WDR41: variants seen among roughly 807,000 people sequenced by gnomAD.
The protein encoded by WDR41 is WD repeat domain 41.
Under a neutral mutation model 69.3 loss-of-function variants are expected in WDR41, and 63 were observed. The ratio of observed to expected loss-of-function variants is 0.91; its 90% confidence interval spans 0.74 to 1.12. The LOEUF is 1.12. Among genes scored for constraint, WDR41 ranks in the 50% most tolerant of loss-of-function variants. The probability of loss-of-function intolerance (pLI) is 0.00; values close to 1 mark genes in which losing one functional copy is unlikely to be tolerated. For missense variants in WDR41, 543 were observed against 534.5 expected (o/e 1.02, Z -0.16); for synonymous variants, 185 against 192.1 (o/e 0.96, Z 0.31).
At chr5:77,600,192 C>A (rs4374746) in intron 1 of WDR41, among the ~76,000 whole-genome samples, 24,703 of 152,016 alleles carry the variant, frequency 0.16, 2,405 homozygotes, top group East Asian at 0.43. Flanking sequence ...CAAGTCTTAC[C>A]AATATAATCA....
intron 1 of WDR41, among the ~76,000 whole-genome samples, chr5:77,613,774 C>G (rs1744615496): frequency 6.6e-6 from 1 of 152,198 alleles, no homozygotes; most frequent in African/African-American, 2.4e-5. Context: ...GCAATGGCAA[C>G]AAAAACCAAA....
chr5:77,502,733 T>A (rs1802039331), intron 1 of WDR41, among the ~76,000 whole-genome samples: 1 of 151,924 alleles, frequency 6.6e-6, no homozygotes, highest in African/African-American at 2.4e-5. Context: ...CTTAAAATAA[T>A]TTTCAACCCA....
intron 9 of WDR41, 54 bp from the exon 10 acceptor site, chr5:77,438,415 G>A: frequency 1.3e-6 from 2 of 1,599,836 alleles, no homozygotes; most frequent in Non-Finnish European, 1.7e-6. Flanking sequence ...CCTTCCTAGT[G>A]TAATGGATTT....
chr5:77,590,911 T>C (rs1294230253), intron 1 of WDR41, among the ~76,000 whole-genome samples: 2 of 152,200 alleles, frequency 1.3e-5, no homozygotes, highest in Middle Eastern at 3.2e-3. Flanking sequence ...CCTCTTTTTT[T>C]GTTTTCTGGA....
intron 1 of WDR41, among the ~76,000 whole-genome samples, chr5:77,570,223 C>T (rs1743711443): frequency 6.6e-6 from 1 of 151,960 alleles, no homozygotes; most frequent in South Asian, 2.1e-4. Context: ...CCCTCAGGTT[C>T]TCCATCATAG....
intron 1 of WDR41, among the ~76,000 whole-genome samples, chr5:77,543,652 G>T (rs1743134835): frequency 6.6e-6 from 1 of 152,044 alleles, no homozygotes; most frequent in African/African-American, 2.4e-5. Context: ...AGAAGTCTGG[G>T]ATTATGATAA....
intron 1 of WDR41, among the ~76,000 whole-genome samples, chr5:77,565,749 C>T (rs1471590238): frequency 2.0e-5 from 3 of 152,234 alleles, no homozygotes; most frequent in African/African-American, 4.8e-5. Flanking sequence ...TCCTTCTCTG[C>T]CTCCTATTGT....
At chr5:77,500,642 C>A (rs1802003943) in intron 1 of WDR41, among the ~76,000 whole-genome samples, 2 of 152,028 alleles carry the variant, frequency 1.3e-5, no homozygotes, top group South Asian at 4.1e-4. Context: ...AAATAGGTAA[C>A]CTAAGTAGTC....
intron 1 of WDR41, among the ~76,000 whole-genome samples, chr5:77,584,393 G>A (rs1161551216): frequency 1.3e-5 from 2 of 152,178 alleles, no homozygotes; most frequent in East Asian, 3.8e-4. Context: ...GAGCAAGGTT[G>A]CAATAAACCA....
intron 1 of WDR41, among the ~76,000 whole-genome samples, chr5:77,500,720 T>C (rs1183451613): frequency 2.0e-5 from 3 of 152,140 alleles, no homozygotes; most frequent in Admixed American, 6.5e-5. Flanking sequence ...AGGGTTCAGA[T>C]ACCAAATCAT....
At chr5:77,593,104 G>A (rs1188033123) in intron 1 of WDR41, among the ~76,000 whole-genome samples, 2 of 152,220 alleles carry the variant, frequency 1.3e-5, no homozygotes, top group Non-Finnish European at 2.9e-5. Flanking sequence ...TGCTCAGAGA[G>A]TTGAAAAACA....
intron 1 of WDR41, among the ~76,000 whole-genome samples, chr5:77,594,308 T>G: frequency 2.0e-5 from 3 of 151,188 alleles, no homozygotes; most frequent in Non-Finnish European, 1.5e-5. Context: ...GAGATATACC[T>G]AATGTAAATG....
intron 2 of WDR41, among the ~76,000 whole-genome samples, chr5:77,479,342 C>T (rs1581750655): frequency 6.6e-6 from 1 of 151,836 alleles, no homozygotes; most frequent in Non-Finnish European, 1.5e-5. Flanking sequence ...CATATGGAAC[C>T]AAAAAAGAGC....
intron 1 of WDR41, among the ~76,000 whole-genome samples, chr5:77,594,241 A>G (rs915061531): frequency 2.9e-5 from 4 of 135,868 alleles, no homozygotes; most frequent in Non-Finnish European, 4.6e-5. Context: ...CAGGAAGGGG[A>G]ACATCACACA....
intron 1 of WDR41, among the ~76,000 whole-genome samples, chr5:77,505,206 G>T (rs546213009): frequency 2.0e-5 from 3 of 152,012 alleles, no homozygotes; most frequent in African/African-American, 7.2e-5. Flanking sequence ...AATGTGCAAA[G>T]ATCACAAGCA....
At chr5:77,552,381 A>G (rs75700875) in intron 1 of WDR41, among the ~76,000 whole-genome samples, 6,922 of 152,282 alleles carry the variant, frequency 0.045, 182 homozygotes, top group Middle Eastern at 0.11. Flanking sequence ...ATTTTGTGAA[A>G]GTCAAAGAAG....
At position 77,459,094 on chromosome 5, in the gene WDR41, G is replaced by C. The variant is rs764129147; in HGVS notation, c.379C>G (p.Gln127Glu). ...GTAGACTGGAAGCATGATATTCTCT[G>C]AACTTGTCTGGTAGTATCACCATCC... ...VWDGDTTRQV[Q>E]RISCFQSTVK... is the part of the protein sequence containing the mutation. Residue 127 changes from glutamine (Q) to glutamate (E), a missense_variant, in exon 5 of 13, where the codon CAG becomes GAG. Coordinates refer to ENST00000296679, the MANE Select transcript of WDR41 (RefSeq NM_018268.4). 3.1e-6 allele frequency: 5 copies of C among 1,601,692 alleles called. No homozygotes were observed. Among genetic ancestry groups the C allele is most frequent in the Admixed American group, 1.7e-5 (1 of 59,294 alleles).
At chr5:77,479,208 G>T (rs1801107003) in intron 2 of WDR41, among the ~76,000 whole-genome samples, 1 of 151,756 alleles carries the variant, frequency 6.6e-6, no homozygotes, top group Non-Finnish European at 1.5e-5. Flanking sequence ...CCATGCTCAT[G>T]GGTAGGAAGA....
At chr5:77,604,604 A>C (rs1744380581) in intron 1 of WDR41, among the ~76,000 whole-genome samples, 1 of 152,190 alleles carries the variant, frequency 6.6e-6, no homozygotes. Context: ...CTATAAAATT[A>C]AAAATGGAAA....
Sources: gnomAD v4.1 joint callset for allele counts (sites outside exome capture counted in the v4.1 genomes callset) on GRCh38, gnomAD v4.1.1 for gene constraint, MANE v1.5 for transcripts, NCBI Gene and HGNC (gene_info 2026-07-23, HGNC 2026-07-21) for gene names.